Variants in SLC36A1 observed in about 807,000 individuals in gnomAD.
SLC36A1 encodes proton-coupled amino acid transporter 1.
SLC36A1 carries 30 observed loss-of-function variants against 47.5 expected under a neutral mutation model. That is an observed-to-expected ratio of 0.63 (90% CI 0.47 to 0.86). The LOEUF is 0.86. Among genes scored for constraint, SLC36A1 ranks in the 40% least tolerant of loss-of-function variants. SLC36A1 has a pLI of 0.00. For synonymous variants in SLC36A1, 255 were observed against 249.7 expected (o/e 1.02, Z -0.20); for missense variants, 517 against 606.0 (o/e 0.85, Z 1.54).
rs984793700 is a variant in SLC36A1, at chr5:151,491,179, C to T, written c.*2925C>T. The T allele has an allele frequency of 6.6e-6, 1 of 152,656 alleles. No individual in the cohort carries two copies. Among genetic ancestry groups the T allele is most frequent in the African/African-American group, 2.4e-5 (1 of 41,456 alleles). The allele number at this position is 152,656 out of a possible 1,614,324, so 9.5% of individuals were successfully genotyped here. On this transcript the variant is annotated 3_prime_UTR_variant, in exon 11 of 11. Transcript: ENST00000243389. ...GCTCTCAGTGGGCAGTGCACCTCCT[C>T]CTAAATGCAGGCACTTGCTAGGAAG...
chr5:151,397,907 A>T, the SLC36A1 span, among the ~76,000 whole-genome samples: 2 of 152,040 alleles, frequency 1.3e-5, no homozygotes, highest in Non-Finnish European at 2.9e-5. Context: ...GCTTGAGTCC[A>T]GGAGTTTGAG....
the SLC36A1 span, among the ~76,000 whole-genome samples, chr5:151,380,168 T>C: frequency 6.6e-6 from 1 of 151,716 alleles, no homozygotes; most frequent in African/African-American, 2.4e-5. Context: ...ATATCAGAAA[T>C]GAAAAATAGG....
chr5:151,364,958 A>G, the SLC36A1 span, among the ~76,000 whole-genome samples: 1 of 152,196 alleles, frequency 6.6e-6, no homozygotes, highest in Non-Finnish European at 1.5e-5. Flanking sequence ...CACTGATTAA[A>G]GTCCAAGGGC....
the SLC36A1 span, among the ~76,000 whole-genome samples, chr5:151,421,365 C>T: frequency 1.3e-5 from 2 of 151,730 alleles, no homozygotes; most frequent in Admixed American, 1.3e-4. Context: ...TCTCAGCCTC[C>T]CGAGTAGCTG....
chr5:151,443,769 A>G (rs1415292238), upstream of SLC36A1, among the ~76,000 whole-genome samples: 2 of 152,086 alleles, frequency 1.3e-5, no homozygotes, highest in Admixed American at 6.6e-5. Flanking sequence ...CATTTCCCCT[A>G]TGTTCTCTTC....
chr5:151,513,106 A>C, the SLC36A1 span, among the ~76,000 whole-genome samples: 1 of 152,236 alleles, frequency 6.6e-6, no homozygotes, highest in East Asian at 1.9e-4. Flanking sequence ...TTTTCTCACA[A>C]GTATACAACA....
At chr5:151,413,888 C>T in the SLC36A1 span, among the ~76,000 whole-genome samples, 2 of 151,986 alleles carry the variant, frequency 1.3e-5, no homozygotes, top group South Asian at 2.1e-4. Context: ...TATATATATA[C>T]ATATGCCAAC....
At chr5:151,528,372 G>C in the SLC36A1 span, among the ~76,000 whole-genome samples, 11 of 152,304 alleles carry the variant, frequency 7.2e-5, no homozygotes, top group South Asian at 1.2e-3. Context: ...CCCTGTCCTA[G>C]AATGTGAGGA....
At chr5:151,433,596 A>G (rs1160315530), upstream of SLC36A1, among the ~76,000 whole-genome samples, 1 of 151,772 alleles carries the variant, frequency 6.6e-6, no homozygotes, top group Non-Finnish European at 1.5e-5. Context: ...CGGCCTGAAT[A>G]ACATATTTTA....
the SLC36A1 span, among the ~76,000 whole-genome samples, chr5:151,386,380 A>G: frequency 2.0e-5 from 3 of 152,194 alleles, no homozygotes; most frequent in Admixed American, 1.3e-4. Flanking sequence ...CAGAGCTTTA[A>G]CTACTTTTAG....
upstream of SLC36A1, among the ~76,000 whole-genome samples, chr5:151,445,835 G>T (rs1425886573): frequency 6.6e-6 from 1 of 151,944 alleles, no homozygotes; most frequent in Non-Finnish European, 1.5e-5. Context: ...CTGTTGTAGT[G>T]TCTTCACTTT....
At chr5:151,450,681 C>G (rs933903166) in intron 1 of SLC36A1, among the ~76,000 whole-genome samples, 10 of 152,194 alleles carry the variant, frequency 6.6e-5, no homozygotes, top group African/African-American at 2.4e-4. Context: ...ATATTAAGTA[C>G]TCCTGCTTTT....
chr5:151,505,418 A>T, the SLC36A1 span: 1 of 929,502 alleles, frequency 1.1e-6, no homozygotes. Flanking sequence ...GGGGGATTGG[A>T]AGAGCACATT....
intron 2 of SLC36A1, among the ~76,000 whole-genome samples, chr5:151,460,469 G>T (rs1458074419): frequency 3.3e-5 from 5 of 152,178 alleles, no homozygotes; most frequent in Non-Finnish European, 7.3e-5. Context: ...CCTCAGGCTT[G>T]TATTGTGACA....
chr5:151,421,886 G>A, the SLC36A1 span, among the ~76,000 whole-genome samples: 4 of 152,098 alleles, frequency 2.6e-5, no homozygotes, highest in South Asian at 2.1e-4. Context: ...CACCGCGCCC[G>A]GCTGTCTTGT....
intron 10 of SLC36A1, among the ~76,000 whole-genome samples, chr5:151,483,206 G>T (rs899415147): frequency 6.6e-6 from 1 of 152,212 alleles, no homozygotes; most frequent in Non-Finnish European, 1.5e-5. Flanking sequence ...CTCTTGTTGT[G>T]TATAAGTCAG....
the SLC36A1 span, chr5:151,537,798 T>G: frequency 1.9e-6 from 3 of 1,610,072 alleles, no homozygotes; most frequent in East Asian, 4.5e-5. Flanking sequence ...CCCACCTGTA[T>G]GAGGATCCAG....
At chr5:151,365,102 C>G in the SLC36A1 span, among the ~76,000 whole-genome samples, 2 of 152,078 alleles carry the variant, frequency 1.3e-5, no homozygotes, top group South Asian at 2.1e-4. Flanking sequence ...TCTAAAACAA[C>G]TTAGAGAGTG....
intron 1 of SLC36A1, among the ~76,000 whole-genome samples, chr5:151,439,030 C>T (rs551164069): frequency 3.3e-5 from 5 of 152,254 alleles, no homozygotes; most frequent in East Asian, 1.9e-4. Context: ...TGAATTGATT[C>T]ACAGTTCTAC....
Sources: gnomAD v4.1 joint callset for allele counts (sites outside exome capture counted in the v4.1 genomes callset) on GRCh38, gnomAD v4.1.1 for gene constraint, MANE v1.5 for transcripts, NCBI Gene and HGNC (gene_info 2026-07-23, HGNC 2026-07-21) for gene names.